PRKAR1A: variants seen among roughly 807,000 people sequenced by gnomAD.
PRKAR1A encodes protein kinase cAMP-dependent type I regulatory subunit alpha, also known as cAMP-dependent protein kinase type I-alpha regulatory subunit.
PRKAR1A carries 3 observed loss-of-function variants against 52.0 expected under a neutral mutation model. That is an observed-to-expected ratio of 0.06 (90% CI 0.03 to 0.15). PRKAR1A has a LOEUF of 0.15. Ranked by LOEUF, PRKAR1A falls within the 10% of genes least tolerant of loss-of-function variation. PRKAR1A has a pLI of 1.00. For synonymous variants in PRKAR1A, 188 were observed against 168.4 expected, an observed-to-expected ratio of 1.12 and a Z score of -0.90; for missense variants, 240 against 477.4, an observed-to-expected ratio of 0.50 and a Z score of 4.63.
upstream of PRKAR1A, among the ~76,000 whole-genome samples, chr17:68,508,260 T>C (rs1241376306): frequency 6.6e-6 from 1 of 152,188 alleles, no homozygotes; most frequent in African/African-American, 2.4e-5. Context: ...CTATTCACAA[T>C]AGCAAAGACA....
the PRKAR1A span, chr17:68,413,894 C>T: frequency 6.6e-6 from 1 of 152,468 alleles, no homozygotes; most frequent in East Asian, 1.9e-4. Context: ...CCGTCTGTCA[C>T]CCCTTTCTTT....
the PRKAR1A span, chr17:68,421,983 C>A: frequency 1.3e-6 from 1 of 754,752 alleles, no homozygotes; most frequent in Admixed American, 2.1e-5. Flanking sequence ...GGTCACCCAG[C>A]TTATTTAGGT....
At chr17:68,547,738 A>G (rs1383691507) in intron 11 of PRKAR1A, among the ~76,000 whole-genome samples, 3 of 152,330 alleles carry the variant, frequency 2.0e-5, no homozygotes, top group South Asian at 4.1e-4. Flanking sequence ...CTATCCAGAT[A>G]ACTTAAACTT....
At chr17:68,516,819 A>G (rs978186196) in intron 2 of PRKAR1A, among the ~76,000 whole-genome samples, 4 of 152,050 alleles carry the variant, frequency 2.6e-5, no homozygotes, top group Non-Finnish European at 4.4e-5. Context: ...TATTTATGCA[A>G]TTTCCAAATC....
the PRKAR1A span, among the ~76,000 whole-genome samples, chr17:68,502,210 G>A: frequency 6.6e-6 from 1 of 152,158 alleles, no homozygotes; most frequent in South Asian, 2.1e-4. Flanking sequence ...TTCCCTGCAT[G>A]AGGCCATTCA....
At chr17:68,548,949 G>A (rs2143618682) in intron 11 of PRKAR1A, among the ~76,000 whole-genome samples, 1 of 151,866 alleles carries the variant, frequency 6.6e-6, no homozygotes, top group South Asian at 2.1e-4. Context: ...AGCCAGGATG[G>A]TCTTGATCTC....
chr17:68,533,959 G>A (rs547551538), downstream of PRKAR1A, among the ~76,000 whole-genome samples: 17 of 152,176 alleles, frequency 1.1e-4, no homozygotes, highest in East Asian at 3.3e-3. Flanking sequence ...GAACTCCTAA[G>A]CTCAGTTTGC....
chr17:68,449,307 T>C, the PRKAR1A span, among the ~76,000 whole-genome samples: 1 of 152,236 alleles, frequency 6.6e-6, no homozygotes, highest in Non-Finnish European at 1.5e-5. Context: ...GGTCGTATAA[T>C]GGTGAACACA....
At chr17:68,462,039 G>A in the PRKAR1A span, among the ~76,000 whole-genome samples, 2 of 152,076 alleles carry the variant, frequency 1.3e-5, no homozygotes, top group South Asian at 4.1e-4. Context: ...CATTATTTCT[G>A]GATTTATTGA....
the PRKAR1A span, among the ~76,000 whole-genome samples, chr17:68,433,760 GTTTTTTTTTTTTTTTTT>G: frequency 2.9e-3 from 212 of 72,794 alleles, 2 homozygotes; most frequent in East Asian, 0.027. Context: ...AAGGGTCATA[GTTTTTTTTTTTTTTTTT>G]TTTTTTTTTT....
At chr17:68,500,809 G>A in the PRKAR1A span, among the ~76,000 whole-genome samples, 5 of 152,116 alleles carry the variant, frequency 3.3e-5, no homozygotes, top group South Asian at 4.2e-4. Context: ...GAGCCACGGC[G>A]CCCGGCCTCA....
chr17:68,548,858 G>A (rs1337780564), intron 11 of PRKAR1A, among the ~76,000 whole-genome samples: 1 of 145,298 alleles, frequency 6.9e-6, no homozygotes, highest in Non-Finnish European at 1.5e-5. Flanking sequence ...TCAGCCTCCC[G>A]AGCAGCTGGG....
chr17:68,438,834 A>G, the PRKAR1A span, among the ~76,000 whole-genome samples: 1 of 152,228 alleles, frequency 6.6e-6, no homozygotes. Context: ...TCGTGACCTC[A>G]GGTGATCCAT....
At chr17:68,504,817 A>G in the PRKAR1A span, among the ~76,000 whole-genome samples, 1 of 152,254 alleles carries the variant, frequency 6.6e-6, no homozygotes, top group Non-Finnish European at 1.5e-5. Flanking sequence ...ACATTTAAAA[A>G]TAATTAAAAG....
chr17:68,420,738 G>C, the PRKAR1A span: 1 of 463,538 alleles, frequency 2.2e-6, no homozygotes, highest in Middle Eastern at 5.6e-4. Flanking sequence ...TTTTGAACTT[G>C]GGCAATTGTT....
chr17:68,527,960 A>G (rs1256683596), intron 8 of PRKAR1A, 60 bp downstream of exon 8: 2 of 1,439,262 alleles, frequency 1.4e-6, no homozygotes, highest in Non-Finnish European at 2.0e-6. Flanking sequence ...TTAGAATTGG[A>G]TGGACTTGGG....
chr17:68,442,328 G>A, the PRKAR1A span, among the ~76,000 whole-genome samples: 207 of 152,166 alleles, frequency 1.4e-3, 2 homozygotes, highest in Middle Eastern at 6.8e-3. Context: ...AGCTGGGTGT[G>A]GTGGTAGGCA....
chr17:68,511,562 G>C (rs144106188), upstream of PRKAR1A, among the ~76,000 whole-genome samples: 14 of 152,290 alleles, frequency 9.2e-5, no homozygotes, highest in East Asian at 2.7e-3. Context: ...GGCACTTCAG[G>C]TTCTAGAAGG....
At chr17:68,467,486 A>G in the PRKAR1A span, among the ~76,000 whole-genome samples, 44 of 152,262 alleles carry the variant, frequency 2.9e-4, no homozygotes, top group African/African-American at 9.9e-4. Context: ...GGGTGTCATG[A>G]ACACTAAAGT....
Sources: allele counts gnomAD v4.1 joint callset (sites outside exome capture counted in the v4.1 genomes callset), GRCh38; gene constraint gnomAD v4.1.1; transcripts MANE v1.5; gene names NCBI Gene and HGNC (gene_info 2026-07-23, HGNC 2026-07-21).